The following CSMD1 variants were observed in gnomAD, a reference collection of about 807,000 sequenced individuals.
CSMD1 encodes CUB and Sushi multiple domains 1, also known as CUB and sushi domain-containing protein 1.
CSMD1 carries 213 observed loss-of-function variants against 417.5 expected under a neutral mutation model. The ratio of observed to expected loss-of-function variants is 0.51; its 90% CI spans 0.46 to 0.57. The LOEUF is 0.57. Among genes scored for constraint, CSMD1 ranks in the 20% least tolerant of loss-of-function variants. The probability of loss-of-function intolerance (pLI) is 0.00; values close to 1 mark genes in which losing one functional copy is unlikely to be tolerated. For missense variants in CSMD1, 6,923 were observed against 4,529.7 expected (o/e 1.53, Z -15.17); for synonymous variants, 2,862 against 1,736.8 (o/e 1.65, Z -16.11).
intron 7 of CSMD1, among the ~76,000 whole-genome samples, chr8:3,705,530 G>T (rs577081299): frequency 6.6e-6 from 1 of 152,254 alleles, no homozygotes; most frequent in East Asian, 1.9e-4. Context: ...TCCCAGGGGA[G>T]TCTTCTGAAA....
intron 12 of CSMD1, among the ~76,000 whole-genome samples, chr8:3,455,475 T>C (rs1002840987): frequency 7.2e-5 from 11 of 152,236 alleles, no homozygotes; most frequent in South Asian, 2.1e-4. Flanking sequence ...GATGGTGATG[T>C]ACAGATGGGG....
At chr8:3,168,706 A>G (rs1224962205) in intron 37 of CSMD1, among the ~76,000 whole-genome samples, 1 of 152,132 alleles carries the variant, frequency 6.6e-6, no homozygotes, top group Non-Finnish European at 1.5e-5. Context: ...TTATGAAAAG[A>G]AAAGAAACTG....
At chr8:3,392,135 T>G (rs889282893) in intron 17 of CSMD1, among the ~76,000 whole-genome samples, 6 of 149,284 alleles carry the variant, frequency 4.0e-5, no homozygotes, top group Non-Finnish European at 8.9e-5. Context: ...AGGGATAGCA[T>G]TAGGAGATAT....
chr8:3,046,842 T>C (rs1410941709), intron 50 of CSMD1, among the ~76,000 whole-genome samples: 3 of 152,190 alleles, frequency 2.0e-5, no homozygotes, highest in Non-Finnish European at 2.9e-5. Context: ...ACCACTAAGA[T>C]AAGGAACATA....
chr8:4,755,270 T>C (rs957633272), intron 1 of CSMD1, among the ~76,000 whole-genome samples: 1 of 152,254 alleles, frequency 6.6e-6, no homozygotes, highest in African/African-American at 2.4e-5. Context: ...ATTTATGACT[T>C]TGCCTTCAAC....
chr8:4,579,539 T>C (rs1397784045), intron 2 of CSMD1, among the ~76,000 whole-genome samples: 2 of 152,032 alleles, frequency 1.3e-5, no homozygotes, highest in Non-Finnish European at 2.9e-5. Context: ...ATTTTTTGTA[T>C]TTTTAGTAGA....
At chr8:3,098,836 A>G (rs1389615739) in intron 46 of CSMD1, among the ~76,000 whole-genome samples, 1 of 152,190 alleles carries the variant, frequency 6.6e-6, no homozygotes, top group Non-Finnish European at 1.5e-5. Flanking sequence ...ACGTGTAAGT[A>G]CAGAGTAATA....
intron 1 of CSMD1, among the ~76,000 whole-genome samples, chr8:4,991,385 G>C (rs1281633824): frequency 6.6e-6 from 1 of 152,218 alleles, no homozygotes; most frequent in Non-Finnish European, 1.5e-5. Flanking sequence ...GAAGAGTACA[G>C]CACCATCAGC....
rs189820612 is a variant in CSMD1 at position 4,504,646 on chromosome 8, C to G, written c.303-84581G>C. On this transcript the variant is annotated intron_variant, in intron 2 of 69. Transcript: ENST00000635120. ...CTCCCTCCCCTTGGCCCCCACCTCCCGACAAACCCCAGTGTGTGATGTTCC... is the reference window on the plus strand; with the variant it reads ...CTCCCTCCCCTTGGCCCCCACCTCCGGACAAACCCCAGTGTGTGATGTTCC... Among the ~76,000 whole-genome samples, 377 of 152,204 alleles carry G rather than the reference C, an allele frequency of 2.5e-3. 1 individual carries two copies. The highest frequency in any genetic ancestry group is 3.3e-3 in the Non-Finnish European group (226 of 68,016).
intron 1 of CSMD1, among the ~76,000 whole-genome samples, chr8:4,954,227 T>C (rs1808935858): frequency 6.6e-6 from 1 of 151,994 alleles, no homozygotes; most frequent in Non-Finnish European, 1.5e-5. Context: ...GAGCTCAGAG[T>C]TTAAGAAATT....
intron 5 of CSMD1, among the ~76,000 whole-genome samples, chr8:3,893,692 C>G (rs1563185288): frequency 6.6e-6 from 1 of 151,794 alleles, no homozygotes; most frequent in African/African-American, 2.4e-5. Flanking sequence ...ACACAACAAC[C>G]GCAGCAACCG....
intron 40 of CSMD1, among the ~76,000 whole-genome samples, chr8:3,149,300 A>G (rs1563087770): frequency 6.6e-6 from 1 of 152,204 alleles, no homozygotes; most frequent in Non-Finnish European, 1.5e-5. Context: ...TACCAATTTT[A>G]TTTTATTCAT....
chr8:4,225,819 T>C (rs929781126), intron 3 of CSMD1, among the ~76,000 whole-genome samples: 3 of 152,140 alleles, frequency 2.0e-5, no homozygotes, highest in Admixed American at 6.5e-5. Context: ...CATTCTTAGA[T>C]GTAAAGTGGC....
intron 22 of CSMD1, among the ~76,000 whole-genome samples, chr8:3,346,657 T>A (rs1331698344): frequency 6.6e-6 from 1 of 152,184 alleles, no homozygotes; most frequent in Non-Finnish European, 1.5e-5. Context: ...CCTTTGCACA[T>A]AACTTCTAAT....
intron 5 of CSMD1, among the ~76,000 whole-genome samples, chr8:3,807,690 CT>C (rs1800825346): frequency 6.6e-6 from 1 of 152,124 alleles, no homozygotes. Flanking sequence ...TAAGTTTTGG[CT>C]TTTCTTCCTT....
intron 3 of CSMD1, among the ~76,000 whole-genome samples, chr8:4,223,115 G>A (rs993679975): frequency 5.4e-5 from 8 of 147,410 alleles, no homozygotes; most frequent in African/African-American, 2.0e-4. Flanking sequence ...ATCTGTAGTA[G>A]CAAGTGGCTC....
At chr8:4,933,692 T>C (rs530737896) in intron 1 of CSMD1, among the ~76,000 whole-genome samples, 73 of 152,196 alleles carry the variant, frequency 4.8e-4, no homozygotes, top group African/African-American at 1.6e-3. Context: ...GAAAGATAAA[T>C]GGATGGATGG....
chr8:3,215,729 A>T (rs1349841307), intron 29 of CSMD1, among the ~76,000 whole-genome samples: 1 of 152,174 alleles, frequency 6.6e-6, no homozygotes, highest in African/African-American at 2.4e-5. Context: ...AATATCTCTA[A>T]ATGAAAAAGT....
chr8:3,487,619 A>T (rs1818129659), intron 11 of CSMD1, among the ~76,000 whole-genome samples: 1 of 152,222 alleles, frequency 6.6e-6, no homozygotes. Flanking sequence ...ATAAATATTT[A>T]GAATTCTTAA....
Sources: allele counts gnomAD v4.1 joint callset (sites outside exome capture counted in the v4.1 genomes callset), GRCh38; gene constraint gnomAD v4.1.1; transcripts MANE v1.5; gene names NCBI Gene and HGNC (gene_info 2026-07-23, HGNC 2026-07-21).